MED23: variants seen among roughly 807,000 people sequenced by gnomAD.
MED23 encodes mediator of RNA polymerase II transcription subunit 23.
In MED23, 105 loss-of-function variants were observed where a neutral mutation model predicts 163.9. The observed-to-expected ratio is 0.64, with a 90% CI of 0.55 to 0.75. The LOEUF is 0.75. Among genes scored for constraint, MED23 ranks in the 30% least tolerant of loss-of-function variants. The probability of loss-of-function intolerance (pLI) is 0.00; values close to 1 mark genes in which losing one functional copy is unlikely to be tolerated. For missense variants in MED23, 1,054 were observed against 1,649.0 expected, an observed-to-expected ratio of 0.64 and a Z score of 6.25; for synonymous variants, 561 against 565.6, an observed-to-expected ratio of 0.99 and a Z score of 0.12.
intron 27 of MED23, 138 bp downstream of exon 27, chr6:131,590,184 T>G: frequency 1.3e-6 from 1 of 761,726 alleles, no homozygotes; most frequent in Non-Finnish European, 2.2e-6. Context: ...CTAAGTCCTC[T>G]AAAATTGCTC....
chr6:131,580,047 T>G (rs1368650670), intron 30 of MED23, among the ~76,000 whole-genome samples: 9 of 152,176 alleles, frequency 5.9e-5, no homozygotes, highest in Admixed American at 5.9e-4. Flanking sequence ...CATTATAATT[T>G]TCACCATTAC....
chr6:131,582,759 T>C, downstream of MED23: 1 of 1,561,826 alleles, frequency 6.4e-7, no homozygotes, highest in Non-Finnish European at 8.8e-7. Context: ...TTTTGTCCCT[T>C]TGTGTGCTAG....
intron 30 of MED23, among the ~76,000 whole-genome samples, chr6:131,580,671 T>C (rs754189354): frequency 2.0e-5 from 3 of 152,200 alleles, no homozygotes; most frequent in Non-Finnish European, 2.9e-5. Flanking sequence ...ATGCATTGAA[T>C]AGAATGAGTG....
Position 131,586,749 on chromosome 6 carries a change from G to A in MED23, c.*930C>T, listed in dbSNP as rs963913910. ...CAATGGAGTCGGGAAACAATCACAC[G>A]GTTTATTCATTCAGCAGACTTTACT... On this transcript the variant is annotated 3_prime_UTR_variant, in exon 29 of 29. Transcript: ENST00000368068. The A allele has an allele frequency of 2.9e-5, 42 of 1,456,582 alleles. No homozygotes were observed. The highest frequency in any genetic ancestry group is 8.4e-5 in the Admixed American group (4 of 47,608). The allele number at this position is 1,456,582 out of a possible 1,614,324, so 90.2% of individuals were successfully genotyped here.
intron 7 of MED23, among the ~76,000 whole-genome samples, chr6:131,620,211 T>C (rs1232758267): frequency 2.0e-5 from 3 of 152,174 alleles, no homozygotes; most frequent in Admixed American, 6.5e-5. Flanking sequence ...AAAATATACA[T>C]ATTATCTAAG....
intron 25 of MED23, 41 bp downstream of exon 25, chr6:131,592,347 T>C (rs774148993): frequency 6.4e-7 from 1 of 1,556,880 alleles, no homozygotes; most frequent in Non-Finnish European, 8.9e-7. Context: ...AACAGCTGGC[T>C]GTATTTCATC....
chr6:131,618,522 G>A lies in MED23; in HGVS notation c.668-3C>T, dbSNP rs762251818. ...AACTGGCAGAAGACTACAGCGACCT[G>A]TATGTATTACAAAAATGTTTTTAAG... On this transcript the variant is annotated splice_polypyrimidine_tract_variant and splice_region_variant and intron_variant, in intron 8 of 28. Transcript: ENST00000368068. The A allele has an allele frequency of 1.0e-5, 16 of 1,599,808 alleles. No individual in the cohort carries two copies. The highest frequency in any genetic ancestry group is 1.1e-5 in the Non-Finnish European group (13 of 1,167,286).
intron 22 of MED23, among the ~76,000 whole-genome samples, chr6:131,594,778 A>G (rs1197607758): frequency 6.6e-6 from 1 of 152,104 alleles, no homozygotes; most frequent in African/African-American, 2.4e-5. Context: ...TAAAGTTGAA[A>G]CAAACAGGGT....
rs1306540530 is a variant in MED23, at chr6:131,595,947, C to T, written c.2995G>A (p.Asp999Asn). Reference sequence around the variant, plus strand: ...GAAATTAAAATTGGAAAAAGCTCACCATGAAATTTATATAAGCCTCCTAGA... The same window carrying T: ...GAAATTAAAATTGGAAAAAGCTCACTATGAAATTTATATAAGCCTCCTAGA... ...DHLGGLYKFH[D>N]RPVTYLYNTL... The change falls in exon 22 of 29, where the codon GAT (aspartate) becomes AAT (asparagine). Residue 999 changes from aspartate (D) to asparagine (N), a missense_variant and splice_region_variant. This residue lies in a region of MED23 where 362 missense variants were observed against 471.6 expected (regional missense o/e 0.77). Coordinates refer to ENST00000368068, the MANE Select transcript of MED23 (RefSeq NM_004830.4). 3.1e-6 allele frequency: 5 copies of T among 1,612,306 alleles called. No individual in the cohort carries two copies. In the South Asian group the frequency reaches 4.4e-5, roughly 14 times the overall value.
intron 14 of MED23, 144 bp downstream of exon 14, chr6:131,605,096 C>T (rs1775761535): frequency 5.0e-6 from 4 of 804,662 alleles, no homozygotes; most frequent in South Asian, 1.9e-5. Context: ...AAAATATTTA[C>T]TTTTGTAATA....
At chr6:131,622,830 A>C (rs1328378047) in intron 5 of MED23, among the ~76,000 whole-genome samples, 2 of 152,238 alleles carry the variant, frequency 1.3e-5, no homozygotes, top group African/African-American at 4.8e-5. Context: ...GGACAATAAC[A>C]AAAGTCTCCT....
intron 30 of MED23, among the ~76,000 whole-genome samples, chr6:131,576,323 C>G (rs1773610844): frequency 6.6e-6 from 1 of 152,212 alleles, no homozygotes; most frequent in Non-Finnish European, 1.5e-5. Flanking sequence ...TTTGCACAAA[C>G]TACTTGTTCA....
At chr6:131,582,182 GA>G (rs1585423132), downstream of MED23, among the ~76,000 whole-genome samples, 1 of 152,130 alleles carries the variant, frequency 6.6e-6, no homozygotes, top group African/African-American at 2.4e-5. Flanking sequence ...TAGTACATGG[GA>G]AAAACTAAAC....
intron 10 of MED23, chr6:131,615,261 C>G (rs1289620511): frequency 2.5e-6 from 4 of 1,573,976 alleles, no homozygotes; most frequent in Non-Finnish European, 3.5e-6. Context: ...TAAATGGAAT[C>G]AGTGGCTACA....
chr6:131,579,829 C>T (rs75890079), intron 30 of MED23, among the ~76,000 whole-genome samples: 2,974 of 149,516 alleles, frequency 0.02, 97 homozygotes, highest in African/African-American at 0.069. Context: ...CTTTGTTTAA[C>T]GTGTGTGTGT....
intron 30 of MED23, among the ~76,000 whole-genome samples, chr6:131,575,705 T>C (rs1168469791): frequency 1.3e-5 from 2 of 152,228 alleles, no homozygotes; most frequent in East Asian, 3.8e-4. Flanking sequence ...AAAAGCTCTG[T>C]TGGAAATTAA....
chr6:131,616,474 C>A (rs1289595252), intron 9 of MED23, among the ~76,000 whole-genome samples: 3 of 152,280 alleles, frequency 2.0e-5, no homozygotes, highest in Admixed American at 1.3e-4. Flanking sequence ...TTCTAGAAGT[C>A]TTTCTAGGCA....
rs745402762 is a variant in MED23 at position 131,593,087 on chromosome 6, T to C, written c.3317A>G (p.His1106Arg). 3 of 1,614,200 alleles carry C rather than the reference T, an allele frequency of 1.9e-6. No individual in the cohort carries two copies. Among genetic ancestry groups the C allele is most frequent in the South Asian group, 1.1e-5 (1 of 91,086 alleles). The part of the protein sequence containing the change: ...EFPNPAAHAL[H>R]VTCVELMALA... The stretch of plus-strand genomic sequence containing the variant: ...GGCCATGAGCTCCACACAAGTAACA[T>C]GGAGAGCATGGGCAGCTGGGTTGGG... The change falls in exon 24 of 29, where the codon CAT becomes CGT. Residue 1106 changes from histidine to arginine, a missense_variant. By Grantham distance (29) the His-to-Arg change is conservative (BLOSUM62 0). Coordinates refer to ENST00000368068, the MANE Select transcript of MED23 (RefSeq NM_004830.4).
chr6:131,627,900 AT>A (rs1777634100), intron 1 of MED23, 110 bp downstream of exon 1: 1 of 1,390,588 alleles, frequency 7.2e-7, no homozygotes, highest in South Asian at 1.2e-5. Flanking sequence ...AAACAAGGGA[AT>A]AAAAAGGGAG....
Sources: gnomAD v4.1 joint callset for allele counts (sites outside exome capture counted in the v4.1 genomes callset) on GRCh38, gnomAD v4.1.1 for gene constraint, gnomAD v4.1.1 regional missense constraint, MANE v1.5 for transcripts, NCBI Gene and HGNC (gene_info 2026-07-23, HGNC 2026-07-21) for gene names.